ADAMTSL3: variants seen among roughly 807,000 people sequenced by gnomAD.
The protein encoded by ADAMTSL3 is ADAMTS like 3, also known as ADAMTS-like protein 3.
In ADAMTSL3, 128 loss-of-function variants were observed where a neutral mutation model predicts 201.7. The observed-to-expected ratio is 0.63, with a 90% CI of 0.55 to 0.73. ADAMTSL3 has a LOEUF of 0.73. Ranked by LOEUF, ADAMTSL3 falls within the 30% of genes least tolerant of loss-of-function variation. The probability of loss-of-function intolerance (pLI) is 0.00; values close to 1 mark genes in which losing one functional copy is unlikely to be tolerated. For missense variants in ADAMTSL3, 1,990 were observed against 2,119.6 expected (o/e 0.94, Z 1.20); for synonymous variants, 738 against 748.4 (o/e 0.99, Z 0.23).
chr15:83,681,021 T>C (rs567595568), intron 2 of ADAMTSL3, among the ~76,000 whole-genome samples: 73 of 152,356 alleles, frequency 4.8e-4, no homozygotes, highest in Non-Finnish European at 8.2e-4. Context: ...CAAGTTGGTT[T>C]TATTCCTGTT....
chr15:83,698,534 C>T (rs1330583316), intron 2 of ADAMTSL3, among the ~76,000 whole-genome samples: 3 of 152,192 alleles, frequency 2.0e-5, no homozygotes, highest in Non-Finnish European at 4.4e-5. Flanking sequence ...CGCACACTTC[C>T]TGATCCAGGC....
At chr15:83,736,963 A>G (rs1361461352) in intron 3 of ADAMTSL3, among the ~76,000 whole-genome samples, 2 of 152,210 alleles carry the variant, frequency 1.3e-5, no homozygotes, top group East Asian at 1.9e-4. Context: ...ACCAAACACA[A>G]CAGAAGAGTT....
At chr15:83,682,949 A>G (rs1320545990) in intron 2 of ADAMTSL3, among the ~76,000 whole-genome samples, 1 of 152,206 alleles carries the variant, frequency 6.6e-6, no homozygotes, top group Non-Finnish European at 1.5e-5. Context: ...GGTGGACTAA[A>G]CTGCCTAGTG....
chr15:83,714,557 A>C (rs2061974242), intron 3 of ADAMTSL3, among the ~76,000 whole-genome samples: 1 of 151,820 alleles, frequency 6.6e-6, no homozygotes, highest in African/African-American at 2.4e-5. Context: ...CTCAGTTGTT[A>C]CTTCCTCAAA....
intron 2 of ADAMTSL3, among the ~76,000 whole-genome samples, chr15:83,678,544 C>T (rs996443966): frequency 6.6e-6 from 1 of 150,964 alleles, no homozygotes; most frequent in African/African-American, 2.4e-5. Flanking sequence ...TTGTTTCTCT[C>T]TAGCTGATTT....
intron 5 of ADAMTSL3, among the ~76,000 whole-genome samples, chr15:83,809,987 A>G (rs1447635079): frequency 6.6e-6 from 1 of 152,102 alleles, no homozygotes; most frequent in African/African-American, 2.4e-5. Context: ...GAAAGCTGGC[A>G]GTCTTTAGCA....
At chr15:84,012,069 C>A (rs1293550430) in intron 23 of ADAMTSL3, among the ~76,000 whole-genome samples, 1 of 152,002 alleles carries the variant, frequency 6.6e-6, no homozygotes, top group Admixed American at 6.6e-5. Context: ...AGCATTCCTT[C>A]AGCTATTTAG....
Position 83,912,802 on chromosome 15 carries a change from T to G in ADAMTSL3, c.1701-290T>G, listed in dbSNP as rs74801936. Among the ~76,000 whole-genome samples the G allele has an allele frequency of 2.2e-3, 342 of 152,328 alleles. 2 individuals carry two copies. Among genetic ancestry groups the G allele is most frequent in the Admixed American group, 0.015 (233 of 15,304 alleles). On this transcript the variant is annotated intron_variant, in intron 15 of 29. Transcript: ENST00000286744. ...TGATGGTTTATTTATTACTAAATCTTAAAGAAAACCTTTATAATTTTGCAA... is the reference window on the plus strand; with the variant it reads ...TGATGGTTTATTTATTACTAAATCTGAAAGAAAACCTTTATAATTTTGCAA...
rs764880280 is a variant in ADAMTSL3 at position 83,991,182 on chromosome 15, G to A, written c.3941G>A (p.Gly1314Glu). 2 of 1,614,170 alleles carry A rather than the reference G, an allele frequency of 1.2e-6. No individual in the cohort carries two copies. The highest frequency in any genetic ancestry group is 1.7e-6 in the Non-Finnish European group (2 of 1,180,020). Residue 1314 changes from glycine to glutamate, a missense_variant, in exon 23 of 30, where the codon GGA becomes GAA. Transcript: ENST00000286744. ...GGAGGCATCGTGGAGGCAGCCCTTG[G>A]AGCAAACGTGACAATCCGATGTCCT... ...VVGGIVEAAL[G>E]ANVTIRCPVK...
chr15:83,858,696 A>G (rs1443001113), intron 7 of ADAMTSL3, 70 bp from the exon 8 acceptor site: 1 of 1,270,618 alleles, frequency 7.9e-7, no homozygotes, highest in Admixed American at 2.0e-5. Context: ...CCCAGTTTTG[A>G]TTGACTTGCT....
intron 19 of ADAMTSL3, among the ~76,000 whole-genome samples, chr15:83,958,261 C>T (rs187651136): frequency 6.6e-6 from 1 of 152,228 alleles, no homozygotes; most frequent in South Asian, 2.1e-4. Flanking sequence ...AGGAAGGACT[C>T]CAGAGTGTGA....
intron 6 of ADAMTSL3, among the ~76,000 whole-genome samples, chr15:83,823,879 CCTTCTT>C (rs773566331): frequency 4.9e-5 from 7 of 141,578 alleles, no homozygotes; most frequent in African/African-American, 1.9e-4. Context: ...GACTCCATTT[CCTTCTT>C]CTTCTTCCTC....
At chr15:83,784,538 A>G (rs2063229020) in intron 4 of ADAMTSL3, among the ~76,000 whole-genome samples, 1 of 152,146 alleles carries the variant, frequency 6.6e-6, no homozygotes, top group South Asian at 2.1e-4. Flanking sequence ...TTCAATGGGA[A>G]TTTGTAAGGG....
At chr15:83,695,036 T>A (rs1316060741) in intron 2 of ADAMTSL3, among the ~76,000 whole-genome samples, 1 of 151,576 alleles carries the variant, frequency 6.6e-6, no homozygotes, top group Non-Finnish European at 1.5e-5. Flanking sequence ...TGCTATGTGG[T>A]GTATATGTAT....
intron 2 of ADAMTSL3, among the ~76,000 whole-genome samples, chr15:83,679,604 G>C (rs1051624895): frequency 6.6e-6 from 1 of 152,040 alleles, no homozygotes; most frequent in African/African-American, 2.4e-5. Context: ...CACATGCAGT[G>C]GTATTCCACA....
chr15:83,741,994 A>T (rs901715412), intron 3 of ADAMTSL3, among the ~76,000 whole-genome samples: 3 of 152,206 alleles, frequency 2.0e-5, no homozygotes, highest in Admixed American at 1.3e-4. Flanking sequence ...AGTTACTATA[A>T]TAAATGTATA....
chr15:83,825,493 G>T (rs2064003033), intron 6 of ADAMTSL3, among the ~76,000 whole-genome samples: 1 of 152,044 alleles, frequency 6.6e-6, no homozygotes, highest in Non-Finnish European at 1.5e-5. Context: ...CAAGCCTATG[G>T]TCCTAGCTAC....
intron 3 of ADAMTSL3, among the ~76,000 whole-genome samples, chr15:83,755,785 A>G: frequency 6.8e-6 from 1 of 147,936 alleles, no homozygotes; most frequent in East Asian, 2.0e-4. Context: ...AGACATTCTT[A>G]CTCTGTCGCC....
intron 19 of ADAMTSL3, among the ~76,000 whole-genome samples, chr15:83,969,005 G>T (rs532260374): frequency 9.2e-5 from 14 of 152,244 alleles, no homozygotes; most frequent in Admixed American, 2.6e-4. Context: ...GCCTGTCAGG[G>T]GGTGGGGGGC....
Sources: allele counts gnomAD v4.1 joint callset (sites outside exome capture counted in the v4.1 genomes callset), GRCh38; gene constraint gnomAD v4.1.1; transcripts MANE v1.5; gene names NCBI Gene and HGNC (gene_info 2026-07-23, HGNC 2026-07-21).